The following KCNK1 variants were observed in gnomAD, a reference collection of about 807,000 sequenced individuals.
KCNK1 encodes the protein potassium two pore domain channel subfamily K member 1.
KCNK1 carries 10 observed loss-of-function variants against 22.2 expected under a neutral mutation model. The ratio of observed to expected loss-of-function variants is 0.45; its 90% CI spans 0.28 to 0.76. KCNK1 has a LOEUF of 0.76. Among genes scored for constraint, KCNK1 ranks in the 30% least tolerant of loss-of-function variants. The pLI is 0.14. For synonymous variants in KCNK1, 200 were observed against 186.4 expected, an observed-to-expected ratio of 1.07 and a Z score of -0.60; for missense variants, 378 against 421.0, an observed-to-expected ratio of 0.90 and a Z score of 0.89.
chr1:233,666,515 T>C, intron 1 of KCNK1, 80 bp from the exon 2 acceptor site: 1 of 1,363,786 alleles, frequency 7.3e-7, no homozygotes, highest in Admixed American at 2.2e-5. Flanking sequence ...TAAGGGCAGA[T>C]GATAGGCATA....
chr1:233,634,286 A>G (rs1657858140), intron 1 of KCNK1, among the ~76,000 whole-genome samples: 1 of 151,166 alleles, frequency 6.6e-6, no homozygotes, highest in East Asian at 1.9e-4. Flanking sequence ...AGCCTGGGTA[A>G]CAGAGCTACT....
At chr1:233,647,481 A>G (rs1658120283) in intron 1 of KCNK1, among the ~76,000 whole-genome samples, 1 of 152,184 alleles carries the variant, frequency 6.6e-6, no homozygotes, top group Non-Finnish European at 1.5e-5. Flanking sequence ...AGGAGGGCAC[A>G]GGAGCCATGG....
intron 1 of KCNK1, among the ~76,000 whole-genome samples, chr1:233,659,626 G>A (rs1456403065): frequency 6.6e-6 from 1 of 151,654 alleles, no homozygotes; most frequent in Non-Finnish European, 1.5e-5. Context: ...CAGCGCAGGA[G>A]GTTTGTTTAC....
At chr1:233,662,387 T>G (rs1176654406) in intron 1 of KCNK1, among the ~76,000 whole-genome samples, 2 of 152,184 alleles carry the variant, frequency 1.3e-5, no homozygotes, top group South Asian at 2.1e-4. Context: ...AGTGATACTG[T>G]TACAGACTCA....
At position 233,614,140 on chromosome 1, in the gene KCNK1, C is replaced by CGGCGTT. The variant is rs1395517012; in HGVS notation, c.-28_-23dup. On this transcript the variant is annotated 5_prime_UTR_variant, in exon 1 of 3. Transcript: ENST00000366621. ...GGCGGGCCGCGCTCCGGCCGGTCTG[C>CGGCGTT]GGCGTTGGCCTTGGCGGCGGCGGTG... The CGGCGTT allele has an allele frequency of 6.4e-6, 8 of 1,246,438 alleles. No individual in the cohort carries two copies. The East Asian group carries it at 2.4e-4, about 38-fold the overall frequency. The allele number at this position is 1,246,438 out of a possible 1,614,324, so 77.2% of individuals were successfully genotyped here.
chr1:233,616,572 G>C (rs1042033008), intron 1 of KCNK1, among the ~76,000 whole-genome samples: 9 of 152,140 alleles, frequency 5.9e-5, no homozygotes, highest in African/African-American at 1.9e-4. Flanking sequence ...ATCAGTGCAA[G>C]GGGCACTTAA....
At chr1:233,616,797 A>T (rs977090102) in intron 1 of KCNK1, among the ~76,000 whole-genome samples, 1 of 152,252 alleles carries the variant, frequency 6.6e-6, no homozygotes, top group African/African-American at 2.4e-5. Context: ...TCAAATTATC[A>T]TAGGTGCCCT....
At chr1:233,632,105 C>T (rs1481618581) in intron 1 of KCNK1, among the ~76,000 whole-genome samples, 1 of 152,222 alleles carries the variant, frequency 6.6e-6, no homozygotes, top group Non-Finnish European at 1.5e-5. Context: ...GCGTTGTCTT[C>T]TGCTAAGTGG....
At chr1:233,626,494 T>G (rs1361328166) in intron 1 of KCNK1, among the ~76,000 whole-genome samples, 1 of 152,162 alleles carries the variant, frequency 6.6e-6, no homozygotes, top group Admixed American at 6.5e-5. Flanking sequence ...CTTCTGTTGG[T>G]ACAGCATGCC....
intron 1 of KCNK1, among the ~76,000 whole-genome samples, chr1:233,662,704 A>T (rs1658419533): frequency 6.6e-6 from 1 of 152,216 alleles, no homozygotes; most frequent in African/African-American, 2.4e-5. Flanking sequence ...CATGCCTCAC[A>T]GATGCAAGCT....
At chr1:233,615,677 A>G (rs559322870) in intron 1 of KCNK1, among the ~76,000 whole-genome samples, 1 of 144,786 alleles carries the variant, frequency 6.9e-6, no homozygotes, top group Admixed American at 6.8e-5. Context: ...CCCACCCTCA[A>G]CCTTTACAGG....
chr1:233,655,798 A>AT (rs1658281271), intron 1 of KCNK1: 1 of 152,794 alleles, frequency 6.5e-6, no homozygotes, highest in Non-Finnish European at 1.5e-5. Flanking sequence ...CAGCCACTAA[A>AT]ACTGTGAGAA....
chr1:233,650,551 T>C (rs1658181799), intron 1 of KCNK1, among the ~76,000 whole-genome samples: 1 of 152,282 alleles, frequency 6.6e-6, no homozygotes, highest in South Asian at 2.1e-4. Context: ...TCCACAGCAA[T>C]AGAAGAGTTT....
chr1:233,668,782 T>G (rs966716632), intron 2 of KCNK1, among the ~76,000 whole-genome samples: 1 of 152,146 alleles, frequency 6.6e-6, no homozygotes, highest in Admixed American at 6.5e-5. Flanking sequence ...ATTTTTTGTA[T>G]TTTTAGTAGA....
chr1:233,625,798 C>T (rs1185408037), intron 1 of KCNK1, among the ~76,000 whole-genome samples: 1 of 151,984 alleles, frequency 6.6e-6, no homozygotes, highest in Non-Finnish European at 1.5e-5. Flanking sequence ...TGGGGAGTGC[C>T]TTATGCAGTT....
At chr1:233,625,175 T>A (rs1027221848) in intron 1 of KCNK1, among the ~76,000 whole-genome samples, 3 of 152,160 alleles carry the variant, frequency 2.0e-5, no homozygotes, top group African/African-American at 7.2e-5. Context: ...AAAATAGGAT[T>A]GGACCAAAAG....
chr1:233,623,946 A>G (rs1657637713), intron 1 of KCNK1, among the ~76,000 whole-genome samples: 1 of 152,252 alleles, frequency 6.6e-6, no homozygotes, highest in Admixed American at 6.5e-5. Context: ...AAGTCAAAAA[A>G]CAAAACAAAA....
chr1:233,641,319 G>A (rs1657996010), intron 1 of KCNK1, among the ~76,000 whole-genome samples: 1 of 152,086 alleles, frequency 6.6e-6, no homozygotes, highest in African/African-American at 2.4e-5. Flanking sequence ...AATTTCATAG[G>A]CTTCTACAAG....
At chr1:233,667,435 A>C (rs900089342) in intron 2 of KCNK1, among the ~76,000 whole-genome samples, 1 of 152,204 alleles carries the variant, frequency 6.6e-6, no homozygotes, top group African/African-American at 2.4e-5. Context: ...GACAGTGTAA[A>C]AATACATCAT....
Sources: allele counts gnomAD v4.1 joint callset (sites outside exome capture counted in the v4.1 genomes callset), GRCh38; gene constraint gnomAD v4.1.1; transcripts MANE v1.5; gene names NCBI Gene and HGNC (gene_info 2026-07-23, HGNC 2026-07-21).